The following CDH20 variants were observed in gnomAD, a reference collection of about 807,000 sequenced individuals.
The protein encoded by CDH20 is cadherin 20, also known as cadherin-20.
A neutral mutation model predicts 74.2 loss-of-function variants in CDH20; 29 were observed. The ratio of observed to expected loss-of-function variants is 0.39; its 90% confidence interval spans 0.29 to 0.53. The LOEUF is 0.53. Ranked by LOEUF, CDH20 falls within the 20% of genes least tolerant of loss-of-function variation. CDH20 has a pLI of 0.69. For synonymous variants in CDH20, 469 were observed against 405.4 expected, an observed-to-expected ratio of 1.16 and a Z score of -1.88; for missense variants, 988 against 1,048.3, an observed-to-expected ratio of 0.94 and a Z score of 0.79.
chr18:61,520,144 A>G (rs192561076), intron 6 of CDH20, among the ~76,000 whole-genome samples: 2,379 of 149,762 alleles, frequency 0.016, 168 homozygotes, highest in African/African-American at 0.055. Flanking sequence ...ATGAAACCCC[A>G]TCTCTACTAA....
At chr18:61,355,131 T>C (rs6567209) in intron 1 of CDH20, among the ~76,000 whole-genome samples, 33,707 of 152,220 alleles carry the variant, frequency 0.22, 4,018 homozygotes, top group East Asian at 0.48. Flanking sequence ...AATATGTTGA[T>C]GAAAGTTTAC....
At position 61,554,275 on chromosome 18, in the gene CDH20, C is replaced by A; in HGVS notation, c.1986C>A (p.Ile662=). 6.2e-7 allele frequency: 1 copy of A among 1,614,006 alleles called. No individual in the cohort carries two copies. Among genetic ancestry groups the A allele is most frequent in the Non-Finnish European group, 8.5e-7 (1 of 1,180,002 alleles). Residue 662 remains isoleucine, a synonymous_variant, in exon 12 of 12, where the codon ATC becomes ATA. Coordinates refer to ENST00000262717, the MANE Select transcript of CDH20 (RefSeq NM_031891.4). The part of the protein sequence containing the change: ...IDDEENIHEN[I]VRYDDEGGGE... ...ACGAGGAAAACATCCACGAGAACAT[C>A]GTCCGCTACGACGACGAGGGCGGCG... is the stretch of plus-strand genomic sequence containing the variant.
In CDH20 at chr18:61,539,057, C is replaced by T. The variant is rs1232164858; in HGVS notation, c.1442C>T (p.Thr481Ile). The T allele has an allele frequency of 5.0e-6, 8 of 1,613,988 alleles. No individual in the cohort carries two copies. Among genetic ancestry groups the T allele is most frequent in the Non-Finnish European group, 5.1e-6 (6 of 1,179,914 alleles). ...NPSQVGSVPV[T>I]IKVLDVNDNA... Reference sequence around the variant, plus strand: ...TCCCAGGTTGGAAGTGTTCCTGTCACAATCAAAGTCTTAGATGTGAATGAC... The same window carrying T: ...TCCCAGGTTGGAAGTGTTCCTGTCATAATCAAAGTCTTAGATGTGAATGAC... The change falls in exon 9 of 12, where the codon ACA becomes ATA. Residue 481 changes from threonine to isoleucine, a missense_variant. Physicochemically the swap from Thr to Ile is moderately conservative, Grantham distance 89 (BLOSUM62 -1). Transcript: ENST00000262717.
intron 1 of CDH20, among the ~76,000 whole-genome samples, chr18:61,360,008 G>C (rs565166402): frequency 2.6e-5 from 4 of 152,302 alleles, no homozygotes; most frequent in South Asian, 4.1e-4. Context: ...TCAAATTTAA[G>C]TGTGTATGAG....
chr18:61,387,515 C>T (rs1208230385), intron 1 of CDH20, among the ~76,000 whole-genome samples: 5 of 152,192 alleles, frequency 3.3e-5, no homozygotes. Context: ...AACCTGTTCT[C>T]ACTTGACAAA....
chr18:61,457,672 T>C (rs1909619723), intron 1 of CDH20, among the ~76,000 whole-genome samples: 2 of 152,204 alleles, frequency 1.3e-5, no homozygotes. Flanking sequence ...GATGGAAGGA[T>C]AAAATAATAT....
At chr18:61,463,784 A>G (rs1909864582) in intron 1 of CDH20, among the ~76,000 whole-genome samples, 1 of 152,178 alleles carries the variant, frequency 6.6e-6, no homozygotes, top group Non-Finnish European at 1.5e-5. Context: ...CACTCTGTCC[A>G]GGGGTGACGA....
chr18:61,504,080 G>A (rs1001444761), intron 5 of CDH20, among the ~76,000 whole-genome samples: 2 of 152,104 alleles, frequency 1.3e-5, no homozygotes, highest in Non-Finnish European at 2.9e-5. Context: ...GTCACTTTAC[G>A]TTCAAAGACT....
Position 61,448,583 on chromosome 18 carries a change from ACAGT to A in CDH20, c.-152-41812_-152-41809del, listed in dbSNP as rs1186174453. 3.9e-5 allele frequency among the ~76,000 whole-genome samples: 6 copies of A among 152,210 alleles called. No homozygotes were observed. The East Asian group carries it at 9.6e-4, about 24-fold the overall frequency. On this transcript the variant is annotated intron_variant, in intron 1 of 11. Transcript: ENST00000262717. ...TTTAATAATTAGCTCATGCTCTTCTACAGTCAGTCACCTGAGCCTTCCCTGAATC... is the reference window on the plus strand; with the variant it reads ...TTTAATAATTAGCTCATGCTCTTCTACAGTCACCTGAGCCTTCCCTGAATC...
intron 1 of CDH20, among the ~76,000 whole-genome samples, chr18:61,488,935 C>G (rs1469046778): frequency 1.3e-5 from 2 of 152,198 alleles, no homozygotes; most frequent in Admixed American, 6.5e-5. Context: ...AGAGAGAGAA[C>G]AGCTAATATT....
intron 6 of CDH20, among the ~76,000 whole-genome samples, chr18:61,510,094 T>C (rs1158428145): frequency 6.6e-6 from 1 of 152,116 alleles, no homozygotes; most frequent in African/African-American, 2.4e-5. Context: ...AGCGAGGAGT[T>C]TGTAGAAGGG....
In CDH20 at chr18:61,554,318, G is replaced by T. The variant is rs752812284; in HGVS notation, c.2029G>T (p.Ala677Ser). ...DEGGGEEDTE[A>S]FDIAAMWNPR... ...GGGCGGCGGCGAGGAGGACACCGAG[G>T]CCTTCGACATCGCGGCCATGTGGAA... The change falls in exon 12 of 12, where the codon GCC becomes TCC. Residue 677 changes from alanine to serine, a missense_variant. Physicochemically the swap from Ala to Ser is moderately conservative, Grantham distance 99. This residue lies in a region of CDH20 where 375 missense variants were observed against 293.1 expected (regional missense o/e 1.28). Transcript: ENST00000262717. 1.2e-6 allele frequency: 2 copies of T among 1,613,778 alleles called. No homozygotes were observed. The highest frequency in any genetic ancestry group is 2.2e-5 in the South Asian group (2 of 91,084).
chr18:61,525,066 T>C (rs543799128), intron 6 of CDH20, among the ~76,000 whole-genome samples: 9 of 144,566 alleles, frequency 6.2e-5, no homozygotes, highest in Non-Finnish European at 1.2e-4. Flanking sequence ...AGAACATACA[T>C]GAATCAGTGT....
At chr18:61,433,593 C>G (rs1599082217) in intron 1 of CDH20, among the ~76,000 whole-genome samples, 1 of 152,220 alleles carries the variant, frequency 6.6e-6, no homozygotes, top group East Asian at 1.9e-4. Context: ...CTTTCATAAA[C>G]ACCAGCTCTT....
chr18:61,513,125 T>C (rs1485708247), intron 6 of CDH20, among the ~76,000 whole-genome samples: 3 of 149,172 alleles, frequency 2.0e-5, no homozygotes, highest in African/African-American at 7.4e-5. Flanking sequence ...CCATTATTAA[T>C]GTGTGGGAGT....
At chr18:61,515,336 G>A (rs1911955904) in intron 6 of CDH20, among the ~76,000 whole-genome samples, 1 of 152,106 alleles carries the variant, frequency 6.6e-6, no homozygotes, top group Admixed American at 6.5e-5. Flanking sequence ...CCCAAGTGAG[G>A]CAATGCCTCG....
intron 1 of CDH20, among the ~76,000 whole-genome samples, chr18:61,363,770 C>T (rs1450259454): frequency 6.6e-6 from 1 of 152,134 alleles, no homozygotes; most frequent in Non-Finnish European, 1.5e-5. Flanking sequence ...GAATTCATCC[C>T]ACCGGATGGT....
intron 10 of CDH20, among the ~76,000 whole-genome samples, chr18:61,545,844 G>A (rs1227018084): frequency 6.6e-6 from 1 of 152,114 alleles, no homozygotes; most frequent in African/African-American, 2.4e-5. Context: ...CTTTCAGGTA[G>A]GGTTCCCTAT....
chr18:61,442,231 G>A lies in CDH20; in HGVS notation c.-152-48171G>A, dbSNP rs559112388. Among the ~76,000 whole-genome samples the A allele has an allele frequency of 1.5e-4, 23 of 152,012 alleles. No homozygotes were observed. The South Asian group carries it at 4.8e-3, about 32-fold the overall frequency. ...CCAGGCATGGTGGCATGTGCCTGTA[G>A]TCCCAGCTACTTGGGAGACTGAGGC... On this transcript the variant is annotated intron_variant, in intron 1 of 11. Transcript: ENST00000262717.
Sources: allele counts gnomAD v4.1 joint callset (sites outside exome capture counted in the v4.1 genomes callset), GRCh38; gene constraint gnomAD v4.1.1; regional missense constraint gnomAD v4.1.1; transcripts MANE v1.5; gene names NCBI Gene and HGNC (gene_info 2026-07-23, HGNC 2026-07-21).